MYO5A: variants seen among roughly 807,000 people sequenced by gnomAD.
MYO5A encodes unconventional myosin-Va.
Under a neutral mutation model 249.7 loss-of-function variants are expected in MYO5A, and 98 were observed. The ratio of observed to expected loss-of-function variants is 0.39; its 90% confidence interval spans 0.33 to 0.46. The LOEUF is 0.46. Among genes scored for constraint, MYO5A ranks in the 20% least tolerant of loss-of-function variants. The pLI, the probability that MYO5A is intolerant of heterozygous loss-of-function variation, is 0.98. For missense variants in MYO5A, 1,696 were observed against 2,308.8 expected, an observed-to-expected ratio of 0.73 and a Z score of 5.44; for synonymous variants, 778 against 810.6, an observed-to-expected ratio of 0.96 and a Z score of 0.68.
intron 24 of MYO5A, 130 bp downstream of exon 24, chr15:52,364,424 A>G: frequency 6.4e-6 from 5 of 786,740 alleles, no homozygotes; most frequent in Non-Finnish European, 1.0e-5. Flanking sequence ...TGGGAGGTGA[A>G]TATGTGTTGA....
chr15:52,381,696 G>A (rs1349062929), intron 16 of MYO5A, among the ~76,000 whole-genome samples: 1 of 152,010 alleles, frequency 6.6e-6, no homozygotes, highest in Non-Finnish European at 1.5e-5. Flanking sequence ...AAGGGAAAGT[G>A]TTCACAATCT....
chr15:52,420,296 C>T (rs1351152972), intron 4 of MYO5A, among the ~76,000 whole-genome samples: 3 of 128,418 alleles, frequency 2.3e-5, no homozygotes, highest in East Asian at 3.2e-4. Context: ...CATAGTGAGA[C>T]CCTGTATTAC....
At chr15:52,464,384 C>A (rs1440853444) in intron 1 of MYO5A, among the ~76,000 whole-genome samples, 1 of 152,258 alleles carries the variant, frequency 6.6e-6, no homozygotes, top group African/African-American at 2.4e-5. Flanking sequence ...GCTGTACCCA[C>A]TGCCTAGAAC....
At chr15:52,348,195 C>T (rs2039742079) in intron 29 of MYO5A, among the ~76,000 whole-genome samples, 1 of 152,206 alleles carries the variant, frequency 6.6e-6, no homozygotes, top group South Asian at 2.1e-4. Flanking sequence ...TCAGGAAGTT[C>T]CTGATTCACT....
In MYO5A at chr15:52,389,303, A is replaced by G. The variant is rs540811832; in HGVS notation, c.1603T>C (p.Cys535Arg). ...AGACGAGGCTTTTCAAAGAGTGCAC[A>G]TTTGTTCAAATGTGTGTTGTACAAT... is the stretch of plus-strand genomic sequence containing the variant. ...QKLYNTHLNK[C>R]ALFEKPRLSN... Residue 535 changes from cysteine to arginine, a missense_variant, in exon 13 of 42, where the codon TGT (cysteine) becomes CGT (arginine). Cys to Arg is a radical substitution (Grantham distance 180). Coordinates refer to ENST00000399233, the MANE Select transcript of MYO5A (RefSeq NM_001382347.1). 2.1e-5 allele frequency: 34 copies of G among 1,613,004 alleles called. 1 individual carries two copies. In the South Asian group the frequency reaches 3.7e-4, roughly 18 times the overall value.
chr15:52,343,224 A>G (rs780239037), intron 30 of MYO5A, 27 bp from the exon 31 acceptor site: 5 of 1,576,012 alleles, frequency 3.2e-6, no homozygotes, highest in Non-Finnish European at 4.4e-6. Context: ...ACAACAATGC[A>G]AAACACAAAA....
rs2039940233 is a variant in MYO5A, at chr15:52,351,320, G to A, written c.3783C>T (p.Val1261=). The A allele has an allele frequency of 1.2e-6, 2 of 1,614,202 alleles. No homozygotes were observed. Among genetic ancestry groups the A allele is most frequent in the Non-Finnish European group, 1.7e-6 (2 of 1,180,034 alleles). ...TTAAGATGAGGACTTCCTCCTTGCG[G>A]ACATCAAGCTCCTCGCTCACAGAGG... ...QLTSVSEELD[V]RKEEVLILRS... Residue 1261 remains valine (V), a synonymous_variant, in exon 28 of 42, where the codon GTC becomes GTT. Transcript: ENST00000399233.
intron 5 of MYO5A, among the ~76,000 whole-genome samples, chr15:52,413,623 G>T (rs1344903298): frequency 6.6e-6 from 1 of 152,096 alleles, no homozygotes; most frequent in African/African-American, 2.4e-5. Flanking sequence ...TAGTATTGAA[G>T]CGATTTAAAG....
At chr15:52,378,108 C>T (rs1392895521) in intron 18 of MYO5A, among the ~76,000 whole-genome samples, 8 of 152,130 alleles carry the variant, frequency 5.3e-5, no homozygotes, top group Non-Finnish European at 1.0e-4. Flanking sequence ...TTTCAGCCTC[C>T]TCTGCCTAAC....
In MYO5A at chr15:52,457,345, G is replaced by A. The variant is rs116911666; in HGVS notation, c.28-24060C>T. Reference sequence around the variant, plus strand: ...ACTTGGGGGCTGAGGTGGGAGAAGCGCTTGAGCCCAGGGAGGTTAAGGCTG... The same window carrying A: ...ACTTGGGGGCTGAGGTGGGAGAAGCACTTGAGCCCAGGGAGGTTAAGGCTG... On this transcript the variant is annotated intron_variant, in intron 1 of 41. Transcript: ENST00000399233. 1.7e-3 allele frequency among the ~76,000 whole-genome samples: 257 copies of A among 150,696 alleles called. 7 individuals carry two copies. The East Asian group carries it at 0.045, about 26-fold the overall frequency.
intron 1 of MYO5A, among the ~76,000 whole-genome samples, chr15:52,520,217 A>C (rs1385569706): frequency 6.6e-6 from 1 of 152,188 alleles, no homozygotes; most frequent in Non-Finnish European, 1.5e-5. Context: ...TTGACTACCT[A>C]GCACTTTTCC....
At chr15:52,332,313 C>T (rs2038927896) in intron 34 of MYO5A, among the ~76,000 whole-genome samples, 2 of 152,038 alleles carry the variant, frequency 1.3e-5, no homozygotes, top group African/African-American at 2.4e-5. Context: ...TTATGTAACA[C>T]TAAAAAAATT....
At chr15:52,389,454 T>C in intron 12 of MYO5A, 91 bp from the exon 13 acceptor site, 2 of 1,354,436 alleles carry the variant, frequency 1.5e-6, no homozygotes, top group Non-Finnish European at 2.0e-6. Context: ...TTATTTTTTT[T>C]TTTTGGCTTT....
intron 1 of MYO5A, among the ~76,000 whole-genome samples, chr15:52,435,265 C>CTTTTTTT (rs35456308): frequency 1.4e-4 from 16 of 113,738 alleles, no homozygotes; most frequent in South Asian, 3.0e-4. Context: ...ACGTTAACCT[C>CTTTTTTT]TTTTTTTTTT....
At chr15:52,388,077 A>T (rs1368544239) in intron 13 of MYO5A, among the ~76,000 whole-genome samples, 165 bp from the exon 14 acceptor site, 1 of 152,228 alleles carries the variant, frequency 6.6e-6, no homozygotes, top group East Asian at 1.9e-4. Flanking sequence ...GGTAAGAAGT[A>T]TGTTAACTTT....
intron 1 of MYO5A, among the ~76,000 whole-genome samples, chr15:52,457,420 C>CAAA (rs35282872): frequency 1.7e-4 from 15 of 87,186 alleles, no homozygotes; most frequent in Non-Finnish European, 2.6e-4. Flanking sequence ...GACCCTGTCT[C>CAAA]AAAAAAAAAA....
intron 4 of MYO5A, among the ~76,000 whole-genome samples, chr15:52,416,962 A>C (rs927886685): frequency 6.6e-6 from 1 of 152,138 alleles, no homozygotes; most frequent in Admixed American, 6.5e-5. Flanking sequence ...AATTTCTTTT[A>C]ATTCCTGTTC....
intron 36 of MYO5A, among the ~76,000 whole-genome samples, chr15:52,325,166 CTG>C (rs1283649899): frequency 6.6e-6 from 1 of 152,174 alleles, no homozygotes; most frequent in East Asian, 1.9e-4. Flanking sequence ...GATTGGGAAA[CTG>C]TGCTGGTCAC....
chr15:52,517,513 C>T (rs372294338), intron 1 of MYO5A, among the ~76,000 whole-genome samples: 41 of 152,178 alleles, frequency 2.7e-4, no homozygotes, highest in East Asian at 9.6e-4. Context: ...GGTGAAATCC[C>T]GTCTCTACTA....
Sources: allele counts gnomAD v4.1 joint callset (sites outside exome capture counted in the v4.1 genomes callset), GRCh38; gene constraint gnomAD v4.1.1; transcripts MANE v1.5; gene names NCBI Gene and HGNC (gene_info 2026-07-23, HGNC 2026-07-21).